ABTB2: variants seen among roughly 807,000 people sequenced by gnomAD.
The protein encoded by ABTB2 is ankyrin repeat and BTB domain containing 2.
ABTB2 carries 56 observed loss-of-function variants against 104.1 expected under a neutral mutation model. That is an observed-to-expected ratio of 0.54 (90% CI 0.43 to 0.67). The LOEUF is 0.67. Among genes scored for constraint, ABTB2 ranks in the 30% least tolerant of loss-of-function variants. ABTB2 has a pLI of 0.00. For synonymous variants in ABTB2, 606 were observed against 608.2 expected (o/e 1.00, Z 0.05); for missense variants, 1,279 against 1,407.7 (o/e 0.91, Z 1.46).
At chr11:34,201,770 A>C (rs1048053221) in intron 2 of ABTB2, among the ~76,000 whole-genome samples, 1 of 152,220 alleles carries the variant, frequency 6.6e-6, no homozygotes, top group Non-Finnish European at 1.5e-5. Flanking sequence ...GGAACAGGGC[A>C]ACTTGGCACA....
intron 1 of ABTB2, among the ~76,000 whole-genome samples, chr11:34,248,114 A>ATTTTTTTTTTTT (rs1363625721): frequency 4.7e-5 from 6 of 126,342 alleles, no homozygotes; most frequent in African/African-American, 1.9e-4. Context: ...AAAAAAAAAA[A>ATTTTTTTTTTTT]AAAAAAAACA....
intron 1 of ABTB2, among the ~76,000 whole-genome samples, chr11:34,271,010 G>C (rs940140502): frequency 6.6e-6 from 1 of 152,140 alleles, no homozygotes; most frequent in Non-Finnish European, 1.5e-5. Flanking sequence ...GCAGCCAGAG[G>C]TGGGGATGGG....
At chr11:34,191,801 C>T (rs777260294) in intron 3 of ABTB2, among the ~76,000 whole-genome samples, 2 of 152,146 alleles carry the variant, frequency 1.3e-5, no homozygotes, top group Admixed American at 6.5e-5. Context: ...CAACAAGGTC[C>T]GCCCACTTCT....
chr11:34,230,357 G>T (rs1371932969), intron 1 of ABTB2, among the ~76,000 whole-genome samples: 1 of 152,176 alleles, frequency 6.6e-6, no homozygotes, highest in African/African-American at 2.4e-5. Context: ...TTGTACCTGG[G>T]TTTGAATGAG....
chr11:34,310,722 C>A (rs1051207501), intron 1 of ABTB2, among the ~76,000 whole-genome samples: 10 of 152,142 alleles, frequency 6.6e-5, no homozygotes, highest in African/African-American at 2.4e-4. Context: ...GGGTCACGGA[C>A]CCCTGTTTAA....
chr11:34,326,807 T>C (rs1485659339), intron 1 of ABTB2, among the ~76,000 whole-genome samples: 1 of 152,206 alleles, frequency 6.6e-6, no homozygotes, highest in Non-Finnish European at 1.5e-5. Context: ...CGTTGTCTCA[T>C]GCCTATAATC....
intron 1 of ABTB2, among the ~76,000 whole-genome samples, chr11:34,213,967 G>A (rs568005273): frequency 1.1e-3 from 172 of 152,204 alleles, no homozygotes; most frequent in African/African-American, 3.8e-3. Flanking sequence ...GAAGAACTTA[G>A]TGACCCAGGG....
At chr11:34,349,121 G>A (rs2078165) in intron 1 of ABTB2, among the ~76,000 whole-genome samples, 90,480 of 152,034 alleles carry the variant, frequency 0.6, 29,393 homozygotes, top group East Asian at 0.89. Flanking sequence ...AAAACAAGCA[G>A]GAAGACCACA....
At chr11:34,200,987 A>G (rs1353312473) in intron 2 of ABTB2, among the ~76,000 whole-genome samples, 2 of 152,224 alleles carry the variant, frequency 1.3e-5, no homozygotes, top group Admixed American at 6.5e-5. Context: ...AATAATTTTA[A>G]AAATCGGGCT....
intron 3 of ABTB2, among the ~76,000 whole-genome samples, chr11:34,195,014 G>C (rs7110465): frequency 6.7e-6 from 1 of 149,538 alleles, no homozygotes; most frequent in African/African-American, 2.5e-5. Flanking sequence ...CTGTGTATTA[G>C]AGTACAGGGG....
chr11:34,185,034 G>A (rs987639642), intron 3 of ABTB2, among the ~76,000 whole-genome samples: 2 of 152,244 alleles, frequency 1.3e-5, no homozygotes, highest in African/African-American at 2.4e-5. Flanking sequence ...CTGCTGAGCT[G>A]TGGGCCAGGG....
At chr11:34,156,974 G>A (rs907916014) in intron 14 of ABTB2, among the ~76,000 whole-genome samples, 48 of 152,042 alleles carry the variant, frequency 3.2e-4, no homozygotes, top group East Asian at 1.9e-4. Flanking sequence ...CACTGTATCC[G>A]ACAGTACTGT....
At chr11:34,347,391 G>A (rs962227968) in intron 1 of ABTB2, among the ~76,000 whole-genome samples, 14 of 152,220 alleles carry the variant, frequency 9.2e-5, no homozygotes, top group African/African-American at 1.7e-4. Context: ...AGCTGAGATC[G>A]CAGCACTGCA....
intron 1 of ABTB2, among the ~76,000 whole-genome samples, chr11:34,331,590 C>G (rs1855131878): frequency 6.6e-6 from 1 of 152,190 alleles, no homozygotes; most frequent in South Asian, 2.1e-4. Context: ...AAGTGGGTAT[C>G]TCTTCCATAA....
Position 34,160,959 on chromosome 11 carries a change from CGTT to C in ABTB2, c.2338_2340del (p.Asn780del), listed in dbSNP as rs761720549. The C allele has an allele frequency of 1.9e-6, 3 of 1,613,598 alleles. No individual in the cohort carries two copies. Among genetic ancestry groups the C allele is most frequent in the Admixed American group, 3.3e-5 (2 of 59,980 alleles). On this transcript the variant is annotated inframe_deletion, in exon 11 of 17. Transcript: ENST00000435224. The stretch of plus-strand genomic sequence containing the variant: ...TGCAAGCCCTCGGTCACCAGCTCCT[CGTT>C]GTACTCCTCCTCTCTGATGGAGCTG...
rs1287353333 is a variant in ABTB2, at chr11:34,292,172, C to T, written c.883+64529G>A. Among the ~76,000 whole-genome samples, 6 of 152,218 alleles carry T rather than the reference C, an allele frequency of 3.9e-5. No homozygotes were observed. In the East Asian group the frequency reaches 7.7e-4, roughly 20 times the overall value. On this transcript the variant is annotated intron_variant, in intron 1 of 16. Coordinates refer to ENST00000435224, the MANE Select transcript of ABTB2 (RefSeq NM_145804.3). ...TGGCCTAAGTCCCCTGGATCCAAGG[C>T]TAAATTCCTTCTGTTCATCCTATAC...
chr11:34,211,581 T>C (rs1481710497), intron 1 of ABTB2, among the ~76,000 whole-genome samples: 2 of 152,032 alleles, frequency 1.3e-5, no homozygotes, highest in East Asian at 1.9e-4. Flanking sequence ...CTGTCAATCA[T>C]CCATGTAAAG....
intron 1 of ABTB2, among the ~76,000 whole-genome samples, chr11:34,315,139 A>G (rs1368879263): frequency 6.6e-6 from 1 of 152,238 alleles, no homozygotes; most frequent in Non-Finnish European, 1.5e-5. Flanking sequence ...GTGCATTTGC[A>G]TGAGGCCACG....
At chr11:34,332,488 G>A (rs1252090558) in intron 1 of ABTB2, among the ~76,000 whole-genome samples, 1 of 152,148 alleles carries the variant, frequency 6.6e-6, no homozygotes, top group Admixed American at 6.5e-5. Context: ...TTGACCTAAG[G>A]GAATTAAATT....
Sources: gnomAD v4.1 joint callset for allele counts (sites outside exome capture counted in the v4.1 genomes callset) on GRCh38, gnomAD v4.1.1 for gene constraint, MANE v1.5 for transcripts, NCBI Gene and HGNC (gene_info 2026-07-23, HGNC 2026-07-21) for gene names.